The following MEI1 variants were observed in gnomAD, a reference collection of about 807,000 sequenced individuals.
The protein encoded by MEI1 is meiosis inhibitor protein 1.
A neutral mutation model predicts 146.2 loss-of-function variants in MEI1; 103 were observed. The observed-to-expected ratio is 0.70, with a 90% CI of 0.60 to 0.83. The LOEUF (loss-of-function observed/expected upper bound fraction) is 0.83, where lower values mean the gene tolerates loss of function less well. Ranked by LOEUF, MEI1 falls within the 40% of genes least tolerant of loss-of-function variation. The pLI is 0.00. For missense variants in MEI1, 1,529 were observed against 1,533.0 expected, an observed-to-expected ratio of 1.00 and a Z score of 0.04; for synonymous variants, 652 against 628.2, an observed-to-expected ratio of 1.04 and a Z score of -0.57.
chr22:41,716,204 C>A, intron 5 of MEI1, 58 bp downstream of exon 5: 1 of 1,201,894 alleles, frequency 8.3e-7, no homozygotes, highest in South Asian at 1.3e-5. Flanking sequence ...ATCATACTGC[C>A]ATTTGGGTGT....
chr22:41,706,041 C>T (rs950884850), intron 3 of MEI1, among the ~76,000 whole-genome samples: 2 of 151,636 alleles, frequency 1.3e-5, no homozygotes, highest in African/African-American at 4.8e-5. Context: ...TTTGTTGAGA[C>T]ATGGGCTCAT....
At chr22:41,756,786 C>A (rs1233318402) in intron 17 of MEI1, among the ~76,000 whole-genome samples, 3 of 152,174 alleles carry the variant, frequency 2.0e-5, no homozygotes, top group Non-Finnish European at 4.4e-5. Flanking sequence ...CTTTCCTGTT[C>A]TTTTGGTATT....
chr22:41,734,295 A>G (rs998832134), intron 11 of MEI1, among the ~76,000 whole-genome samples: 2 of 151,262 alleles, frequency 1.3e-5, no homozygotes, highest in Admixed American at 1.3e-4. Flanking sequence ...CGACTATGCA[A>G]TGTCAATGCA....
intron 17 of MEI1, among the ~76,000 whole-genome samples, chr22:41,756,716 C>T (rs2074113121): frequency 6.6e-6 from 1 of 152,210 alleles, no homozygotes; most frequent in Non-Finnish European, 1.5e-5. Context: ...TCAGGTGATC[C>T]ACCTGCCTTG....
intron 4 of MEI1, among the ~76,000 whole-genome samples, chr22:41,715,441 G>C (rs972205997): frequency 2.6e-5 from 4 of 151,140 alleles, no homozygotes; most frequent in Non-Finnish European, 5.9e-5. Flanking sequence ...TGTTTCCCAG[G>C]CTGGAGTGCA....
chr22:41,708,782 G>T (rs181289925), intron 3 of MEI1, among the ~76,000 whole-genome samples: 20 of 152,358 alleles, frequency 1.3e-4, no homozygotes, highest in African/African-American at 4.8e-4. Flanking sequence ...GGCATCACTG[G>T]AAAGTCTAGA....
intron 1 of MEI1, among the ~76,000 whole-genome samples, chr22:41,701,908 T>G (rs1173538666): frequency 6.6e-6 from 1 of 151,962 alleles, no homozygotes; most frequent in Admixed American, 6.6e-5. Context: ...GAAGGGAAAG[T>G]GAAAGAGATG....
At chr22:41,739,166 T>C (rs1488548875) in intron 11 of MEI1, among the ~76,000 whole-genome samples, 1 of 151,762 alleles carries the variant, frequency 6.6e-6, no homozygotes, top group African/African-American at 2.4e-5. Context: ...TAGCTGGGCG[T>C]GGTGGCGAGT....
chr22:41,700,256 G>T (rs912895456), intron 1 of MEI1, among the ~76,000 whole-genome samples: 1 of 152,236 alleles, frequency 6.6e-6, no homozygotes, highest in Non-Finnish European at 1.5e-5. Context: ...GGGGGTGAAC[G>T]GGAAGACTGT....
intron 26 of MEI1, among the ~76,000 whole-genome samples, chr22:41,793,465 C>G (rs756177124): frequency 5.3e-5 from 8 of 152,140 alleles, no homozygotes; most frequent in Non-Finnish European, 7.4e-5. Context: ...ACACACCTAG[C>G]TAATTTTTGT....
At chr22:41,753,832 A>G (rs950278019) in intron 16 of MEI1, 117 bp from the exon 17 acceptor site, 11 of 761,110 alleles carry the variant, frequency 1.4e-5, no homozygotes, top group Non-Finnish European at 2.5e-5. Context: ...GGCCATGGCT[A>G]GAATTTCACT....
At chr22:41,758,555 G>A (rs2074245166) in intron 18 of MEI1, 22 bp downstream of exon 18, 1 of 1,598,334 alleles carries the variant, frequency 6.3e-7, no homozygotes, top group East Asian at 2.3e-5. Flanking sequence ...GAGGTGGGTG[G>A]CTGGTGGTGG....
chr22:41,744,057 A>G (rs540045095), intron 12 of MEI1, among the ~76,000 whole-genome samples: 1 of 148,964 alleles, frequency 6.7e-6, no homozygotes, highest in South Asian at 2.1e-4. Flanking sequence ...TTGTAATTTT[A>G]GTAGAGACAG....
chr22:41,795,797 G>A lies in MEI1; in HGVS notation c.3729G>A (p.Glu1243=), dbSNP rs766487645. The stretch of plus-strand genomic sequence containing the variant: ...CCCAGACCCTGCAGGCCTCCTTGGA[G>A]GGCCTTCCCCCTAGCACCTCCTCAG... The part of the protein sequence containing the change: ...SMAQTLQASL[E]GLPPSTSSGQ... The change falls in exon 30 of 31, where the codon GAG becomes GAA. Residue 1243 remains glutamate, a synonymous_variant. Transcript: ENST00000401548. The surrounding 1 kb of genome is among the most constrained non-coding windows in gnomAD (Gnocchi z 4.2). 6 of 1,613,720 alleles carry A rather than the reference G, an allele frequency of 3.7e-6. No homozygotes were observed. Among genetic ancestry groups the A allele is most frequent in the Middle Eastern group, 3.3e-4 (2 of 6,062 alleles).
At chr22:41,734,297 G>A (rs2072130672) in intron 11 of MEI1, among the ~76,000 whole-genome samples, 1 of 151,320 alleles carries the variant, frequency 6.6e-6, no homozygotes, top group Admixed American at 6.6e-5. Flanking sequence ...ACTATGCAAT[G>A]TCAATGCAAT....
chr22:41,794,509 G>A (rs369787767), intron 28 of MEI1, 32 bp downstream of exon 28: 4 of 1,575,210 alleles, frequency 2.5e-6, no homozygotes, highest in Non-Finnish European at 3.5e-6. Context: ...TGTGGTCTGA[G>A]GAGTGTCATG....
chr22:41,702,800 C>A (rs1486041973), intron 1 of MEI1, among the ~76,000 whole-genome samples: 1 of 151,812 alleles, frequency 6.6e-6, no homozygotes, highest in Non-Finnish European at 1.5e-5. Context: ...CTCTTGTCCC[C>A]CAGGCTGGAA....
rs745663550 is a variant in MEI1 at position 41,699,537 on chromosome 22, AG to A, written c.-1del. 2.5e-6 allele frequency: 4 copies of A among 1,609,378 alleles called. No homozygotes were observed. The South Asian group carries it at 4.4e-5, about 18-fold the overall frequency. On this transcript the variant is annotated 5_prime_UTR_variant, in exon 1 of 31. Coordinates refer to ENST00000401548, the MANE Select transcript of MEI1 (RefSeq NM_152513.4). ...CCGCCTCAGCTGAGGGCAAGCGAGG[AG>A]ATGGCTGTGAGGCAGGCGGCGACGG...
intron 18 of MEI1, among the ~76,000 whole-genome samples, chr22:41,761,034 G>A (rs1601989301): frequency 6.6e-6 from 1 of 152,166 alleles, no homozygotes; most frequent in South Asian, 2.1e-4. Flanking sequence ...CTTCCCTCAC[G>A]GGTGCGGTGG....
Sources: gnomAD v4.1 joint callset for allele counts (sites outside exome capture counted in the v4.1 genomes callset) on GRCh38, gnomAD v4.1.1 for gene constraint, Gnocchi (gnomAD v3.1) non-coding constraint, MANE v1.5 for transcripts, NCBI Gene and HGNC (gene_info 2026-07-23, HGNC 2026-07-21) for gene names.